Variants in NDST3 observed in about 807,000 individuals in gnomAD.
The protein encoded by NDST3 is bifunctional heparan sulfate N-deacetylase/N-sulfotransferase 3.
A neutral mutation model predicts 96.1 loss-of-function variants in NDST3; 58 were observed. That is an observed-to-expected ratio of 0.60 (90% CI 0.49 to 0.75). The LOEUF (loss-of-function observed/expected upper bound fraction) is 0.75, where lower values mean the gene tolerates loss of function less well. Among genes scored for constraint, NDST3 ranks in the 30% least tolerant of loss-of-function variants. The pLI is 0.00. For missense variants in NDST3, 788 were observed against 1,034.2 expected (o/e 0.76, Z 3.27); for synonymous variants, 333 against 359.7 (o/e 0.93, Z 0.84).
chr4:118,108,638 G>A (rs558410099), intron 3 of NDST3, among the ~76,000 whole-genome samples: 38 of 152,212 alleles, frequency 2.5e-4, no homozygotes, highest in African/African-American at 8.2e-4. Flanking sequence ...TCTAGAGTAA[G>A]TCAATTTCCA....
chr4:118,251,193 C>A (rs1741707601), intron 12 of NDST3, among the ~76,000 whole-genome samples: 1 of 137,464 alleles, frequency 7.3e-6, no homozygotes, highest in African/African-American at 2.6e-5. Flanking sequence ...GTGGCACAAT[C>A]TCGGCTCACT....
intron 4 of NDST3, among the ~76,000 whole-genome samples, chr4:118,120,611 A>G (rs1302410329): frequency 6.6e-6 from 1 of 152,136 alleles, no homozygotes; most frequent in East Asian, 1.9e-4. Context: ...GGTGTTTGCT[A>G]TCTCTTGGAA....
chr4:118,104,952 T>C, intron 2 of NDST3, 66 bp from the exon 3 acceptor site: 1 of 1,281,056 alleles, frequency 7.8e-7, no homozygotes, highest in Non-Finnish European at 1.1e-6. Flanking sequence ...GCAAAAAGGA[T>C]ATATCTTTTG....
At chr4:118,222,224 G>A (rs1739594978) in intron 6 of NDST3, among the ~76,000 whole-genome samples, 1 of 151,866 alleles carries the variant, frequency 6.6e-6, no homozygotes, top group Admixed American at 6.6e-5. Flanking sequence ...AAGAAAGACT[G>A]TCTAGAAAGC....
At chr4:118,230,650 T>C (rs1740222864) in intron 8 of NDST3, among the ~76,000 whole-genome samples, 1 of 152,150 alleles carries the variant, frequency 6.6e-6, no homozygotes. Context: ...GATAGGGCTG[T>C]GCTATGTTTT....
intron 9 of NDST3, among the ~76,000 whole-genome samples, chr4:118,236,028 GAC>G (rs1740622904): frequency 6.6e-6 from 1 of 151,858 alleles, no homozygotes; most frequent in Non-Finnish European, 1.5e-5. Context: ...AAGAAAACAA[GAC>G]ACTGTAAAAA....
intron 12 of NDST3, among the ~76,000 whole-genome samples, chr4:118,249,002 G>A (rs1741488254): frequency 6.6e-6 from 1 of 152,102 alleles, no homozygotes; most frequent in African/African-American, 2.4e-5. Flanking sequence ...GCCTATGAGG[G>A]TATGCACACA....
At chr4:118,129,960 A>G (rs1189396147) in intron 4 of NDST3, among the ~76,000 whole-genome samples, 1 of 151,938 alleles carries the variant, frequency 6.6e-6, no homozygotes, top group Non-Finnish European at 1.5e-5. Flanking sequence ...CTCTTCTCAC[A>G]GTGTTTGTTT....
At chr4:118,077,521 G>GC (rs1230384631) in intron 2 of NDST3, among the ~76,000 whole-genome samples, 2 of 152,166 alleles carry the variant, frequency 1.3e-5, no homozygotes, top group African/African-American at 4.8e-5. Flanking sequence ...TCTTGGAAGA[G>GC]CCCCCTCCAA....
At chr4:118,086,377 C>A (rs1251885989) in intron 2 of NDST3, among the ~76,000 whole-genome samples, 1 of 152,134 alleles carries the variant, frequency 6.6e-6, no homozygotes, top group East Asian at 1.9e-4. Context: ...TCCAGATCCT[C>A]TTGTGTGCAT....
intron 2 of NDST3, among the ~76,000 whole-genome samples, chr4:118,081,832 A>G (rs890052802): frequency 3.9e-5 from 6 of 152,172 alleles, no homozygotes; most frequent in African/African-American, 1.4e-4. Context: ...GCATAAAGTT[A>G]AAAGCCAGCC....
At chr4:118,185,234 A>G (rs1308513914) in intron 6 of NDST3, among the ~76,000 whole-genome samples, 3 of 152,080 alleles carry the variant, frequency 2.0e-5, no homozygotes, top group African/African-American at 7.2e-5. Context: ...TTAATATGGA[A>G]GAAAGCATTT....
At chr4:118,229,722 G>C (rs1232964827) in intron 8 of NDST3, among the ~76,000 whole-genome samples, 2 of 151,996 alleles carry the variant, frequency 1.3e-5, no homozygotes, top group African/African-American at 4.8e-5. Flanking sequence ...TCTAAGAAAG[G>C]AATTAATCTC....
intron 6 of NDST3, among the ~76,000 whole-genome samples, chr4:118,202,003 C>T (rs1041470523): frequency 1.1e-4 from 16 of 152,112 alleles, no homozygotes; most frequent in African/African-American, 2.9e-4. Context: ...CTTCTGCATA[C>T]GGCTAACTAG....
intron 6 of NDST3, among the ~76,000 whole-genome samples, chr4:118,149,153 TG>T (rs1280161530): frequency 6.6e-6 from 1 of 152,230 alleles, no homozygotes; most frequent in Non-Finnish European, 1.5e-5. Flanking sequence ...TTTTGGTTAC[TG>T]TAGCCTTGTA....
At chr4:118,080,298 G>A (rs1401990653) in intron 2 of NDST3, among the ~76,000 whole-genome samples, 2 of 151,884 alleles carry the variant, frequency 1.3e-5, no homozygotes, top group African/African-American at 2.4e-5. Flanking sequence ...TAGGGTATTC[G>A]AGTCTAGAGT....
At chr4:118,065,472 C>CTTGG (rs1397897718) in intron 2 of NDST3, among the ~76,000 whole-genome samples, 1 of 151,984 alleles carries the variant, frequency 6.6e-6, no homozygotes, top group African/African-American at 2.4e-5. Context: ...CCAAAGATTG[C>CTTGG]TTGGTTGGAG....
intron 6 of NDST3, among the ~76,000 whole-genome samples, chr4:118,208,215 TAC>T (rs1390625407): frequency 6.9e-6 from 1 of 143,944 alleles, no homozygotes; most frequent in African/African-American, 2.6e-5. Flanking sequence ...ATGGTTTAGT[TAC>T]AGTCTTTTAT....
At chr4:118,225,585 T>C (rs1188502538) in intron 7 of NDST3, among the ~76,000 whole-genome samples, 3 of 152,234 alleles carry the variant, frequency 2.0e-5, no homozygotes, top group Non-Finnish European at 2.9e-5. Context: ...AAAGCTGTAC[T>C]TCTTAATCAC....
Sources: gnomAD v4.1 joint callset for allele counts (sites outside exome capture counted in the v4.1 genomes callset) on GRCh38, gnomAD v4.1.1 for gene constraint, MANE v1.5 for transcripts, NCBI Gene and HGNC (gene_info 2026-07-23, HGNC 2026-07-21) for gene names.